Variants in PCSK5 observed in about 807,000 individuals in gnomAD.
The protein encoded by PCSK5 is prohormone convertase 5.
A neutral mutation model predicts 233.2 loss-of-function variants in PCSK5; 129 were observed. That is an observed-to-expected ratio of 0.55 (90% CI 0.48 to 0.64). The LOEUF is 0.64. Ranked by LOEUF, PCSK5 falls within the 30% of genes least tolerant of loss-of-function variation. PCSK5 has a pLI of 0.00. For synonymous variants in PCSK5, 825 were observed against 879.2 expected (o/e 0.94, Z 1.09); for missense variants, 2,076 against 2,430.1 (o/e 0.85, Z 3.06).
intron 10 of PCSK5, among the ~76,000 whole-genome samples, chr9:76,144,428 G>C (rs1823357250): frequency 6.6e-6 from 1 of 152,186 alleles, no homozygotes; most frequent in Admixed American, 6.5e-5. Context: ...AGAGAAGATA[G>C]CTAAAAACAT....
At chr9:76,344,032 T>G (rs1829909239) in intron 35 of PCSK5, among the ~76,000 whole-genome samples, 1 of 152,214 alleles carries the variant, frequency 6.6e-6, no homozygotes, top group Non-Finnish European at 1.5e-5. Context: ...ATAAAATTAC[T>G]GAGATGTTTT....
chr9:76,359,233 C>A lies in PCSK5; in HGVS notation c.*311C>A. 3.5e-6 allele frequency: 1 copy of A among 289,372 alleles called. No individual in the cohort carries two copies. Among genetic ancestry groups the A allele is most frequent in the Non-Finnish European group, 6.5e-6 (1 of 153,084 alleles). 17.9% of individuals were successfully genotyped at this position (289,372 alleles called of 1,614,324 possible). On this transcript the variant is annotated 3_prime_UTR_variant, in exon 38 of 38. Coordinates refer to ENST00000674117, the MANE Select transcript of PCSK5 (RefSeq NM_001372043.1). The stretch of plus-strand genomic sequence containing the variant: ...AAAACAAATGAGATTTGTACAAACT[C>A]TTCTATGTGATTTTAAAAAAAGGAC...
At chr9:76,116,885 G>T (rs112669146) in intron 9 of PCSK5, among the ~76,000 whole-genome samples, 11 of 152,076 alleles carry the variant, frequency 7.2e-5, no homozygotes, top group Middle Eastern at 3.4e-3. Flanking sequence ...ACTATAAACC[G>T]TAAAGGGAAT....
At chr9:76,103,201 A>G (rs368357623) in intron 8 of PCSK5, among the ~76,000 whole-genome samples, 1 of 152,200 alleles carries the variant, frequency 6.6e-6, no homozygotes, top group Non-Finnish European at 1.5e-5. Flanking sequence ...TTTAAAATTT[A>G]GTTTCTGCCC....
chr9:76,105,976 A>G (rs1189832769), intron 8 of PCSK5, among the ~76,000 whole-genome samples: 1 of 152,248 alleles, frequency 6.6e-6, no homozygotes, highest in African/African-American at 2.4e-5. Context: ...TAAACTTCTA[A>G]GTGAGAGTCT....
At chr9:76,063,506 T>TTGAGA in intron 5 of PCSK5, among the ~76,000 whole-genome samples, 1 of 89,736 alleles carries the variant, frequency 1.1e-5, no homozygotes, top group South Asian at 4.7e-4. Flanking sequence ...CCCTGATTAC[T>TTGAGA]TGAGATTAGG....
Position 75,985,952 on chromosome 9 carries a change from A to C in PCSK5, c.298-180A>C, listed in dbSNP as rs571294722. Among the ~76,000 whole-genome samples the C allele has an allele frequency of 5.5e-5, 8 of 145,632 alleles. No individual in the cohort carries two copies. In the East Asian group the frequency reaches 1.5e-3, roughly 28 times the overall value. On this transcript the variant is annotated intron_variant, in intron 2 of 37. Coordinates refer to ENST00000674117, the MANE Select transcript of PCSK5 (RefSeq NM_001372043.1). Reference sequence around the variant, plus strand: ...AACACCTGCTTGCATTAAACAAACAAAAAAAAAGCCCTGGGTTTCTAAGGA... The same window carrying C: ...AACACCTGCTTGCATTAAACAAACACAAAAAAAGCCCTGGGTTTCTAAGGA...
intron 5 of PCSK5, among the ~76,000 whole-genome samples, chr9:76,031,314 C>T (rs1224311659): frequency 6.6e-6 from 1 of 152,128 alleles, no homozygotes; most frequent in Non-Finnish European, 1.5e-5. Flanking sequence ...CCTTGGCTCT[C>T]CTTGATTATC....
intron 24 of PCSK5, among the ~76,000 whole-genome samples, chr9:76,267,918 C>T (rs555780136): frequency 6.6e-6 from 1 of 151,460 alleles, no homozygotes; most frequent in South Asian, 2.1e-4. Flanking sequence ...CACTGCCTAC[C>T]CTCCCAAAAT....
intron 2 of PCSK5, among the ~76,000 whole-genome samples, chr9:75,949,839 G>C (rs10781318): frequency 0.65 from 99,410 of 151,910 alleles, 32,732 homozygotes; most frequent in East Asian, 0.84. Context: ...TTTAATTTTT[G>C]TGGGTGCATA....
At chr9:76,003,843 C>CT (rs1244341458) in intron 3 of PCSK5, among the ~76,000 whole-genome samples, 1 of 152,066 alleles carries the variant, frequency 6.6e-6, no homozygotes, top group Non-Finnish European at 1.5e-5. Flanking sequence ...AGGTCTCACT[C>CT]TGTCACCCAG....
chr9:76,150,828 C>T (rs956185054), intron 10 of PCSK5, among the ~76,000 whole-genome samples: 3 of 151,994 alleles, frequency 2.0e-5, no homozygotes, highest in Admixed American at 6.6e-5. Context: ...GAAGAGGTAG[C>T]GGAGGAAGGG....
At chr9:76,323,611 G>C (rs973105194) in intron 32 of PCSK5, among the ~76,000 whole-genome samples, 7 of 152,160 alleles carry the variant, frequency 4.6e-5, no homozygotes, top group Admixed American at 3.9e-4. Context: ...AAAGTGCTGG[G>C]ATTACAGGTG....
intron 1 of PCSK5, among the ~76,000 whole-genome samples, chr9:75,909,902 T>A (rs868335474): frequency 6.6e-6 from 1 of 152,138 alleles, no homozygotes. Context: ...CAGTGAAATG[T>A]GAGCAGAAGT....
At chr9:76,026,380 T>C (rs1305111342) in intron 4 of PCSK5, among the ~76,000 whole-genome samples, 1 of 152,164 alleles carries the variant, frequency 6.6e-6, no homozygotes, top group Admixed American at 6.5e-5. Context: ...TCCTTTATAG[T>C]AGATACAATA....
At chr9:76,094,712 C>T (rs959709946) in intron 7 of PCSK5, among the ~76,000 whole-genome samples, 4 of 151,966 alleles carry the variant, frequency 2.6e-5, no homozygotes, top group African/African-American at 9.7e-5. Context: ...CAGGTTCAAG[C>T]GATTCTCGTG....
At chr9:76,199,581 A>C (rs1402218608) in intron 20 of PCSK5, among the ~76,000 whole-genome samples, 1 of 152,046 alleles carries the variant, frequency 6.6e-6, no homozygotes, top group African/African-American at 2.4e-5. Context: ...GAGGAGAGAG[A>C]GATATGTCCT....
intron 3 of PCSK5, among the ~76,000 whole-genome samples, chr9:76,018,932 C>T (rs950280929): frequency 5.9e-5 from 9 of 152,308 alleles, no homozygotes; most frequent in African/African-American, 2.2e-4. Context: ...TATCTACCCT[C>T]ATCTGAATTT....
chr9:76,211,989 C>A (rs1039933632), intron 20 of PCSK5, among the ~76,000 whole-genome samples: 1 of 152,224 alleles, frequency 6.6e-6, no homozygotes, highest in African/African-American at 2.4e-5. Flanking sequence ...TCATCTTTTA[C>A]CTAGCACTTC....
Sources: gnomAD v4.1 joint callset for allele counts (sites outside exome capture counted in the v4.1 genomes callset) on GRCh38, gnomAD v4.1.1 for gene constraint, MANE v1.5 for transcripts, NCBI Gene and HGNC (gene_info 2026-07-23, HGNC 2026-07-21) for gene names.